TNR: variants seen among roughly 807,000 people sequenced by gnomAD.
TNR encodes the protein tenascin-R.
In TNR, 45 loss-of-function variants were observed where a neutral mutation model predicts 150.4. The observed-to-expected ratio is 0.30, with a 90% CI of 0.24 to 0.38. TNR has a LOEUF of 0.38. TNR is among the 10% of genes least tolerant of loss of function. TNR has a pLI of 1.00. For synonymous variants in TNR, 687 were observed against 678.4 expected, an observed-to-expected ratio of 1.01 and a Z score of -0.20; for missense variants, 1,544 against 1,759.1, an observed-to-expected ratio of 0.88 and a Z score of 2.19.
intron 2 of TNR, among the ~76,000 whole-genome samples, chr1:175,488,867 G>T (rs973684969): frequency 6.6e-6 from 1 of 152,222 alleles, no homozygotes; most frequent in Non-Finnish European, 1.5e-5. Flanking sequence ...GAGGGAGGAA[G>T]GGTGCCTGCA....
At chr1:175,496,888 A>G (rs949030867) in intron 2 of TNR, among the ~76,000 whole-genome samples, 50 of 152,320 alleles carry the variant, frequency 3.3e-4, no homozygotes, top group African/African-American at 1.2e-3. Flanking sequence ...ATGCTAACAG[A>G]TAAGGAAACT....
Position 175,323,484 on chromosome 1 carries a change from T to C in TNR, c.3958-8A>G. On this transcript the variant is annotated splice_polypyrimidine_tract_variant and splice_region_variant and intron_variant, in intron 22 of 22. Coordinates refer to ENST00000367674, the MANE Select transcript of TNR (RefSeq NM_003285.3). ...ATGGTACCAGTTGATGCCCTGGGCG[T>C]GAGAAAGATAAGCATGTCAGGTCAT... 1 of 1,613,186 alleles carries C rather than the reference T, an allele frequency of 6.2e-7. No homozygotes were observed. Among genetic ancestry groups the C allele is most frequent in the Non-Finnish European group, 8.5e-7 (1 of 1,179,576 alleles).
In TNR at chr1:175,335,687, T is replaced by A. The variant is rs770318931; in HGVS notation, c.3631+24A>T. 1.9e-6 allele frequency: 3 copies of A among 1,602,110 alleles called. No individual in the cohort carries two copies. The African/African-American group carries it at 4.0e-5, about 22-fold the overall frequency. On this transcript the variant is annotated intron_variant, in intron 20 of 22. Transcript: ENST00000367674. ...ACAAAAAGCCAGAGAAGCACATCAA[T>A]GGAAAGCAATAAGGAGGCTTTACCC...
At chr1:175,535,410 C>A (rs1660234525) in intron 1 of TNR, among the ~76,000 whole-genome samples, 1 of 152,054 alleles carries the variant, frequency 6.6e-6, no homozygotes, top group South Asian at 2.1e-4. Context: ...TCTTTTTCTG[C>A]TTTATCTGTA....
chr1:175,458,869 G>A (rs543344166), intron 2 of TNR, among the ~76,000 whole-genome samples: 3 of 152,082 alleles, frequency 2.0e-5, no homozygotes, highest in Admixed American at 6.5e-5. Context: ...TCAGCATTAT[G>A]ATCATCACCA....
Position 175,702,495 on chromosome 1 carries a change from C to T in TNR, c.-165+40731G>A, listed in dbSNP as rs574248151. Among the ~76,000 whole-genome samples the T allele has an allele frequency of 8.5e-5, 13 of 152,312 alleles. No homozygotes were observed. In the East Asian group the frequency reaches 2.1e-3, roughly 25 times the overall value. On this transcript the variant is annotated intron_variant, in intron 1 of 22. Transcript: ENST00000367674. The stretch of plus-strand genomic sequence containing the variant: ...AGGTGCCAGGTACCCTGGACCCAGC[C>T]TCTTGCTGGATGAGGGGCAGGAAAA...
chr1:175,359,785 G>T (rs1390413944), intron 14 of TNR, 54 bp from the exon 15 acceptor site: 4 of 1,555,182 alleles, frequency 2.6e-6, no homozygotes, highest in Non-Finnish European at 3.5e-6. Flanking sequence ...GGATAGAAAT[G>T]CAGGGAATGA....
chr1:175,362,945 G>A (rs1651670908), intron 13 of TNR, 136 bp from the exon 14 acceptor site: 2 of 1,101,740 alleles, frequency 1.8e-6, no homozygotes. Flanking sequence ...CATGGTTCAT[G>A]GGCTGGGAAT....
intron 2 of TNR, among the ~76,000 whole-genome samples, chr1:175,502,934 T>G (rs560656604): frequency 6.7e-6 from 1 of 148,688 alleles, no homozygotes; most frequent in Non-Finnish European, 1.5e-5. Context: ...CTTTGTTTTT[T>G]AAAGGGGTGC....
At chr1:175,465,095 G>A (rs760780811) in intron 2 of TNR, among the ~76,000 whole-genome samples, 9 of 152,144 alleles carry the variant, frequency 5.9e-5, no homozygotes, top group Non-Finnish European at 8.8e-5. Context: ...ATCCACCCAG[G>A]CATCATGGAG....
intron 1 of TNR, among the ~76,000 whole-genome samples, chr1:175,740,466 A>G (rs1667897327): frequency 6.6e-6 from 1 of 152,040 alleles, no homozygotes; most frequent in Non-Finnish European, 1.5e-5. Context: ...GGCGCTTTCC[A>G]GGTAAAAGAT....
chr1:175,577,030 G>A (rs971050151), intron 1 of TNR, among the ~76,000 whole-genome samples: 1 of 152,132 alleles, frequency 6.6e-6, no homozygotes, highest in Non-Finnish European at 1.5e-5. Flanking sequence ...CCCCCTGGGG[G>A]TTTCAATTCA....
intron 1 of TNR, among the ~76,000 whole-genome samples, chr1:175,546,220 T>A (rs1007090273): frequency 8.5e-5 from 13 of 152,208 alleles, no homozygotes; most frequent in African/African-American, 2.9e-4. Context: ...TGCCCAGCAC[T>A]GCATCAGAGC....
At chr1:175,703,753 G>A (rs1363209441) in intron 1 of TNR, among the ~76,000 whole-genome samples, 2 of 152,142 alleles carry the variant, frequency 1.3e-5, no homozygotes, top group Admixed American at 1.3e-4. Flanking sequence ...ATCACAAAGT[G>A]CAAATTAAAA....
At chr1:175,687,283 T>C (rs78235345) in intron 1 of TNR, among the ~76,000 whole-genome samples, 3,871 of 152,170 alleles carry the variant, frequency 0.025, 166 homozygotes, top group African/African-American at 0.088. Context: ...CTTCTCTTCT[T>C]ACTCACTTTT....
intron 2 of TNR, among the ~76,000 whole-genome samples, chr1:175,487,902 T>C (rs1658081879): frequency 6.6e-6 from 1 of 152,208 alleles, no homozygotes; most frequent in South Asian, 2.1e-4. Flanking sequence ...ATGATGGTAC[T>C]TTGGATTTTG....
chr1:175,495,814 G>A (rs1319923088), intron 2 of TNR, among the ~76,000 whole-genome samples: 6 of 152,176 alleles, frequency 3.9e-5, no homozygotes, highest in African/African-American at 7.2e-5. Flanking sequence ...TGGGACCTGC[G>A]TCAGGCATTT....
chr1:175,620,491 T>C (rs1357595150), intron 1 of TNR, among the ~76,000 whole-genome samples: 1 of 152,142 alleles, frequency 6.6e-6, no homozygotes, highest in African/African-American at 2.4e-5. Context: ...GAGAAACTAG[T>C]CCAAGTTCTG....
At chr1:175,454,805 C>T (rs568953539) in intron 2 of TNR, among the ~76,000 whole-genome samples, 1 of 152,282 alleles carries the variant, frequency 6.6e-6, no homozygotes, top group African/African-American at 2.4e-5. Context: ...TGATTTTAAA[C>T]AAGTATCTTA....
Sources: allele counts gnomAD v4.1 joint callset (sites outside exome capture counted in the v4.1 genomes callset), GRCh38; gene constraint gnomAD v4.1.1; transcripts MANE v1.5; gene names NCBI Gene and HGNC (gene_info 2026-07-23, HGNC 2026-07-21).